FSTL5: variants seen among roughly 807,000 people sequenced by gnomAD.
FSTL5 encodes follistatin like 5, also known as follistatin-related protein 5.
In FSTL5, 62 loss-of-function variants were observed where a neutral mutation model predicts 89.1. That is an observed-to-expected ratio of 0.70 (90% CI 0.57 to 0.86). FSTL5 has a LOEUF of 0.86. FSTL5 is among the 40% of genes least tolerant of loss of function. The pLI, the probability that FSTL5 is intolerant of heterozygous loss-of-function variation, is 0.00. For missense variants in FSTL5, 1,057 were observed against 1,001.6 expected, an observed-to-expected ratio of 1.06 and a Z score of -0.75; for synonymous variants, 383 against 346.2, an observed-to-expected ratio of 1.11 and a Z score of -1.18.
intron 3 of FSTL5, among the ~76,000 whole-genome samples, chr4:161,966,407 T>C (rs1299454804): frequency 6.6e-6 from 1 of 152,110 alleles, no homozygotes; most frequent in Non-Finnish European, 1.5e-5. Context: ...AGGAAATTTC[T>C]ATTAAAAAGC....
chr4:161,572,742 G>C lies in FSTL5; in HGVS notation c.1015+14713C>G, dbSNP rs117205263. ...ATAGCATTGTCCTATGTGATACTGT[G>C]ACCTCAAGAGAGAAGATGTCTGCAT... On this transcript the variant is annotated intron_variant, in intron 8 of 15. Transcript: ENST00000306100. 6.8e-4 allele frequency among the ~76,000 whole-genome samples: 103 copies of C among 152,252 alleles called. 4 individuals carry two copies. The East Asian group carries it at 0.018, about 26-fold the overall frequency.
At chr4:161,849,848 T>C (rs1287989958) in intron 4 of FSTL5, among the ~76,000 whole-genome samples, 6 of 152,174 alleles carry the variant, frequency 3.9e-5, no homozygotes, top group Non-Finnish European at 8.8e-5. Context: ...TGTTTAATGA[T>C]TATGAAATTG....
intron 4 of FSTL5, among the ~76,000 whole-genome samples, chr4:161,794,352 G>C (rs189320289): frequency 6.6e-6 from 1 of 152,054 alleles, no homozygotes; most frequent in Non-Finnish European, 1.5e-5. Context: ...ACATTAGTTC[G>C]GGTGTTAAAT....
chr4:161,521,140 T>C (rs1731005381), intron 10 of FSTL5, among the ~76,000 whole-genome samples: 1 of 152,242 alleles, frequency 6.6e-6, no homozygotes, highest in African/African-American at 2.4e-5. Context: ...AACTCTTCAG[T>C]GTTACCACTT....
chr4:161,942,117 T>C (rs1030094828), intron 3 of FSTL5, among the ~76,000 whole-genome samples: 1 of 151,842 alleles, frequency 6.6e-6, no homozygotes, highest in African/African-American at 2.4e-5. Flanking sequence ...CATGCTGAAT[T>C]TTATGAGATG....
At chr4:161,631,325 A>G (rs532860686) in intron 7 of FSTL5, among the ~76,000 whole-genome samples, 1 of 152,318 alleles carries the variant, frequency 6.6e-6, no homozygotes, top group African/African-American at 2.4e-5. Flanking sequence ...CTGTTCTTCT[A>G]TTAATAATTC....
intron 15 of FSTL5, among the ~76,000 whole-genome samples, chr4:161,405,367 A>G (rs181367218): frequency 6.6e-6 from 1 of 152,184 alleles, no homozygotes; most frequent in Non-Finnish European, 1.5e-5. Context: ...ACAAAGAATT[A>G]TAAATACAAA....
chr4:161,395,623 A>G (rs1194063308), intron 15 of FSTL5, among the ~76,000 whole-genome samples: 3 of 152,162 alleles, frequency 2.0e-5, no homozygotes, highest in Non-Finnish European at 4.4e-5. Context: ...AATTTTATGG[A>G]AACCCTACCA....
chr4:161,732,938 T>TA (rs1739666656), intron 6 of FSTL5, among the ~76,000 whole-genome samples: 1 of 148,828 alleles, frequency 6.7e-6, no homozygotes, highest in South Asian at 2.1e-4. Flanking sequence ...TCAGCTTTTC[T>TA]TTTTTTTTTA....
At chr4:162,083,136 T>C (rs913251693) in intron 2 of FSTL5, among the ~76,000 whole-genome samples, 1 of 151,810 alleles carries the variant, frequency 6.6e-6, no homozygotes, top group African/African-American at 2.4e-5. Flanking sequence ...AGAGACAATA[T>C]ACTATTTTAT....
rs137923760 is a variant in FSTL5 at position 161,778,799 on chromosome 4, AAGC to A, written c.410-2728_410-2726del. ...TTGCTAGCAATTTTGGTATCGGGGA[AAGC>A]AGCACAAAGGGAACCTTCAAATAGC... On this transcript the variant is annotated intron_variant, in intron 4 of 15. Transcript: ENST00000306100. 4.9e-4 allele frequency among the ~76,000 whole-genome samples: 75 copies of A among 152,358 alleles called. 1 individual carries two copies. The East Asian group carries it at 0.013, about 27-fold the overall frequency.
intron 4 of FSTL5, among the ~76,000 whole-genome samples, chr4:161,903,207 T>C (rs1414769460): frequency 6.6e-6 from 1 of 152,108 alleles, no homozygotes; most frequent in Non-Finnish European, 1.5e-5. Flanking sequence ...TAAATCAGTC[T>C]CCTTATGTTA....
At chr4:161,960,387 GC>G (rs1422280867) in intron 3 of FSTL5, among the ~76,000 whole-genome samples, 1 of 151,702 alleles carries the variant, frequency 6.6e-6, no homozygotes, top group East Asian at 1.9e-4. Flanking sequence ...TGTTGGTCAG[GC>G]TGGTCTCAAA....
chr4:161,758,316 C>T (rs926604798), intron 6 of FSTL5, among the ~76,000 whole-genome samples: 1 of 152,106 alleles, frequency 6.6e-6, no homozygotes, highest in East Asian at 1.9e-4. Flanking sequence ...ACGTATTCTA[C>T]TTCCTATCTT....
intron 6 of FSTL5, among the ~76,000 whole-genome samples, chr4:161,669,246 T>C (rs143990864): frequency 6.6e-6 from 1 of 152,264 alleles, no homozygotes; most frequent in African/African-American, 2.4e-5. Context: ...TTAAATTTAA[T>C]GCAATCCCAG....
At chr4:162,022,273 A>C (rs1197228089) in intron 3 of FSTL5, among the ~76,000 whole-genome samples, 2 of 151,968 alleles carry the variant, frequency 1.3e-5, no homozygotes, top group African/African-American at 4.8e-5. Flanking sequence ...GCTTCATATT[A>C]CAATTGCATT....
chr4:161,469,693 A>G (rs1186936570), intron 13 of FSTL5, among the ~76,000 whole-genome samples: 1 of 149,026 alleles, frequency 6.7e-6, no homozygotes, highest in Non-Finnish European at 1.5e-5. Context: ...GCTGGAGTGC[A>G]GTGGTGCCAT....
At chr4:161,494,663 C>T (rs1321719338) in intron 12 of FSTL5, among the ~76,000 whole-genome samples, 1 of 152,082 alleles carries the variant, frequency 6.6e-6, no homozygotes, top group Non-Finnish European at 1.5e-5. Flanking sequence ...TGTGGAAATG[C>T]CAAACCTGGA....
chr4:161,493,133 G>T (rs968687183), intron 12 of FSTL5, among the ~76,000 whole-genome samples: 8 of 151,640 alleles, frequency 5.3e-5, no homozygotes, highest in African/African-American at 1.9e-4. Flanking sequence ...ATAGTTAAAT[G>T]AAAAGTTTTA....
Sources: gnomAD v4.1 joint callset for allele counts (sites outside exome capture counted in the v4.1 genomes callset) on GRCh38, gnomAD v4.1.1 for gene constraint, MANE v1.5 for transcripts, NCBI Gene and HGNC (gene_info 2026-07-23, HGNC 2026-07-21) for gene names.